Variants in DIP2C observed in about 807,000 individuals in gnomAD.
The protein encoded by DIP2C is disco-interacting protein 2 homolog C.
DIP2C carries 33 observed loss-of-function variants against 192.4 expected under a neutral mutation model. The ratio of observed to expected loss-of-function variants is 0.17; its 90% CI spans 0.13 to 0.23. The LOEUF is 0.23. Among genes scored for constraint, DIP2C ranks in the 10% least tolerant of loss-of-function variants. The probability of loss-of-function intolerance (pLI) is 1.00; values close to 1 mark genes in which losing one functional copy is unlikely to be tolerated. For synonymous variants in DIP2C, 979 were observed against 864.1 expected (o/e 1.13, Z -2.33); for missense variants, 1,537 against 2,110.1 (o/e 0.73, Z 5.32).
chr10:493,309 G>A (rs1420921175), intron 1 of DIP2C, among the ~76,000 whole-genome samples: 2 of 152,232 alleles, frequency 1.3e-5, no homozygotes, highest in East Asian at 3.8e-4. Flanking sequence ...CCGACCTGTA[G>A]AAAGACAGCT....
rs768576836 is a variant in DIP2C at position 362,633 on chromosome 10, G to T, written c.2651C>A (p.Thr884Asn). 3 of 1,614,118 alleles carry T rather than the reference G, an allele frequency of 1.9e-6. No homozygotes were observed. The highest frequency in any genetic ancestry group is 1.7e-6 in the Non-Finnish European group (2 of 1,179,998). ...VYCLALVPAN[T>N]LPKTPLGGIH... The stretch of plus-strand genomic sequence containing the variant: ...CCCACCAAGCGGGGTTTTGGGGAGG[G>T]TGTTTGCTGGCACCAAGGCCAGGCA... Residue 884 changes from threonine (T) to asparagine (N), a missense_variant, in exon 22 of 37, where the codon ACC (threonine) becomes AAC (asparagine). Thr to Asn is a moderately conservative substitution (Grantham distance 65). Coordinates refer to ENST00000280886, the MANE Select transcript of DIP2C (RefSeq NM_014974.3).
At chr10:610,470 G>C (rs1033539830) in intron 1 of DIP2C, among the ~76,000 whole-genome samples, 1 of 152,200 alleles carries the variant, frequency 6.6e-6, no homozygotes, top group Admixed American at 6.5e-5. Context: ...ACAAGGAAAA[G>C]AAAATGTTTA....
chr10:580,309 GCAC>G (rs1850537704), intron 1 of DIP2C, among the ~76,000 whole-genome samples: 1 of 152,064 alleles, frequency 6.6e-6, no homozygotes, highest in East Asian at 1.9e-4. Flanking sequence ...ACATTAGTGT[GCAC>G]ATATCCACAA....
intron 1 of DIP2C, among the ~76,000 whole-genome samples, chr10:648,187 T>C (rs996454281): frequency 6.8e-6 from 1 of 146,266 alleles, no homozygotes; most frequent in Non-Finnish European, 1.5e-5. Flanking sequence ...AGAGGGAAAC[T>C]GAGTCCACGT....
chr10:298,757 G>C (rs528704422), intron 32 of DIP2C, among the ~76,000 whole-genome samples: 1 of 152,322 alleles, frequency 6.6e-6, no homozygotes, highest in African/African-American at 2.4e-5. Context: ...GGGGACTCCT[G>C]AGGATCTTCT....
chr10:289,083 T>C (rs1955326162), intron 32 of DIP2C, among the ~76,000 whole-genome samples: 1 of 152,222 alleles, frequency 6.6e-6, no homozygotes, highest in Admixed American at 6.5e-5. Flanking sequence ...AGGTGCCTAG[T>C]GGACCATCAC....
At chr10:388,287 G>T (rs991922668) in intron 13 of DIP2C, among the ~76,000 whole-genome samples, 1 of 152,148 alleles carries the variant, frequency 6.6e-6, no homozygotes, top group Non-Finnish European at 1.5e-5. Flanking sequence ...TTTGGAAGAC[G>T]GGGAGGACAA....
chr10:536,217 T>TG (rs1373396629), intron 1 of DIP2C, among the ~76,000 whole-genome samples: 1 of 152,224 alleles, frequency 6.6e-6, no homozygotes, highest in Non-Finnish European at 1.5e-5. Context: ...CGCCCATCTC[T>TG]GCCTCTGCCT....
chr10:462,638 C>T (rs1969885851), intron 3 of DIP2C, among the ~76,000 whole-genome samples: 1 of 152,102 alleles, frequency 6.6e-6, no homozygotes, highest in South Asian at 2.1e-4. Context: ...TATTCCAAAA[C>T]AATAGAAAAG....
chr10:512,332 G>T (rs768249060), intron 1 of DIP2C, among the ~76,000 whole-genome samples: 4 of 152,160 alleles, frequency 2.6e-5, no homozygotes, highest in Admixed American at 6.5e-5. Context: ...GCTGAGGCAG[G>T]CAGATTGCTT....
At chr10:362,832 G>GGCCGGGCGCGGTGGCTCACGCCTGTA in intron 21 of DIP2C, 141 bp from the exon 22 acceptor site, 8 of 991,300 alleles carry the variant, frequency 8.1e-6, no homozygotes, top group Middle Eastern at 3.2e-4. Flanking sequence ...GCCAAGGTAA[G>GGCCGGGCGCGGTGGCTCACGCCTGTA]AGAAAGGATT....
chr10:280,135 T>A (rs1954736208), intron 36 of DIP2C, among the ~76,000 whole-genome samples: 1 of 152,168 alleles, frequency 6.6e-6, no homozygotes, highest in African/African-American at 2.4e-5. Context: ...GAGTAGGGGC[T>A]TAGCCAACTT....
intron 1 of DIP2C, among the ~76,000 whole-genome samples, chr10:530,477 G>T (rs1044079935): frequency 2.6e-5 from 4 of 152,036 alleles, no homozygotes; most frequent in Non-Finnish European, 4.4e-5. Context: ...CAACCAGCCT[G>T]CTTGAGGGGG....
At chr10:332,976 C>T (rs904399225) in intron 29 of DIP2C, among the ~76,000 whole-genome samples, 2 of 152,328 alleles carry the variant, frequency 1.3e-5, no homozygotes, top group East Asian at 1.9e-4. Flanking sequence ...ATTCTTGGCT[C>T]AATGCAACCT....
chr10:281,713 C>G (rs757024655), intron 35 of DIP2C, among the ~76,000 whole-genome samples: 6 of 152,220 alleles, frequency 3.9e-5, no homozygotes, highest in Non-Finnish European at 8.8e-5. Context: ...CAAGATCACA[C>G]GGGATACAGT....
Position 562,321 on chromosome 10 carries a change from C to T in DIP2C, c.86-75791G>A, listed in dbSNP as rs541038043. On this transcript the variant is annotated intron_variant, in intron 1 of 36. Coordinates refer to ENST00000280886, the MANE Select transcript of DIP2C (RefSeq NM_014974.3). ...CTGGAAAATTGAGCTCACTTGAGCA[C>T]TAATGCAACAAATGTGTTTGACAAA... Among the ~76,000 whole-genome samples the T allele has an allele frequency of 3.9e-5, 6 of 152,352 alleles. No homozygotes were observed. In the East Asian group the frequency reaches 1.2e-3, roughly 29 times the overall value.
intron 24 of DIP2C, among the ~76,000 whole-genome samples, chr10:352,552 C>T (rs1043204221): frequency 6.6e-6 from 1 of 152,236 alleles, no homozygotes; most frequent in Non-Finnish European, 1.5e-5. Flanking sequence ...GTGCTGGAGA[C>T]AGGCACACGA....
At position 572,951 on chromosome 10, in the gene DIP2C, C is replaced by A. The variant is rs148098563; in HGVS notation, c.86-86421G>T. Among the ~76,000 whole-genome samples the A allele has an allele frequency of 2.3e-3, 356 of 152,284 alleles. 5 individuals are homozygous for A. Among genetic ancestry groups the A allele is most frequent in the African/African-American group, 8.0e-3 (332 of 41,542 alleles). ...ACTTTCAAGACTCAAGATGTCCCCGCTCCCTGAATATCCTACAAAGGACAG... is the reference window on the plus strand; with the variant it reads ...ACTTTCAAGACTCAAGATGTCCCCGATCCCTGAATATCCTACAAAGGACAG... On this transcript the variant is annotated intron_variant, in intron 1 of 36. Coordinates refer to ENST00000280886, the MANE Select transcript of DIP2C (RefSeq NM_014974.3).
intron 2 of DIP2C, among the ~76,000 whole-genome samples, chr10:480,965 C>A (rs1047622594): frequency 6.6e-6 from 1 of 152,222 alleles, no homozygotes; most frequent in Non-Finnish European, 1.5e-5. Context: ...ACACCCTTAC[C>A]CTGTGAGCTG....
Sources: gnomAD v4.1 joint callset for allele counts (sites outside exome capture counted in the v4.1 genomes callset) on GRCh38, gnomAD v4.1.1 for gene constraint, MANE v1.5 for transcripts, NCBI Gene and HGNC (gene_info 2026-07-23, HGNC 2026-07-21) for gene names.